Variants in ZCWPW2 observed in about 807,000 individuals in gnomAD.
ZCWPW2 encodes zinc finger CW-type and PWWP domain containing 2.
Under a neutral mutation model 46.6 loss-of-function variants are expected in ZCWPW2, and 45 were observed. The observed-to-expected ratio is 0.96, with a 90% CI of 0.76 to 1.24. The LOEUF (loss-of-function observed/expected upper bound fraction) is 1.24. ZCWPW2 is among the 50% of genes most tolerant of loss of function. ZCWPW2 has a pLI of 0.00. For synonymous variants in ZCWPW2, 152 were observed against 137.1 expected, an observed-to-expected ratio of 1.11 and a Z score of -0.76; for missense variants, 429 against 403.9, an observed-to-expected ratio of 1.06 and a Z score of -0.53.
intron 1 of ZCWPW2, among the ~76,000 whole-genome samples, 176 bp from the exon 2 acceptor site, chr3:28,390,322 A>G (rs962299713): frequency 6.6e-6 from 1 of 152,252 alleles, no homozygotes; most frequent in African/African-American, 2.4e-5. Context: ...TACTATTACC[A>G]TATGAGTATG....
chr3:28,442,179 C>T (rs1005693334), intron 4 of ZCWPW2, among the ~76,000 whole-genome samples: 7 of 152,170 alleles, frequency 4.6e-5, no homozygotes, highest in South Asian at 2.1e-4. Context: ...ATGAGGAATA[C>T]GTTGCCTCCA....
chr3:28,377,049 A>G (rs531470867), intron 1 of ZCWPW2, among the ~76,000 whole-genome samples: 1 of 151,588 alleles, frequency 6.6e-6, no homozygotes, highest in East Asian at 1.9e-4. Context: ...TATTTTTCCA[A>G]TATTGAACTC....
intron 1 of ZCWPW2, among the ~76,000 whole-genome samples, chr3:28,386,468 G>A (rs1251797074): frequency 6.6e-6 from 1 of 152,042 alleles, no homozygotes; most frequent in Non-Finnish European, 1.5e-5. Context: ...GATTCATTGT[G>A]TTTGTTTTTT....
intron 6 of ZCWPW2, among the ~76,000 whole-genome samples, chr3:28,501,275 ACT>A (rs1700135309): frequency 1.3e-5 from 2 of 151,986 alleles, no homozygotes; most frequent in South Asian, 4.2e-4. Flanking sequence ...ACTTCAAGTT[ACT>A]CTCCTTGTGT....
chr3:28,480,964 C>G (rs772141589), intron 5 of ZCWPW2, among the ~76,000 whole-genome samples: 33 of 147,844 alleles, frequency 2.2e-4, no homozygotes, highest in African/African-American at 7.7e-4. Context: ...CTCCCAGGTT[C>G]AAACAATTCT....
intron 1 of ZCWPW2, among the ~76,000 whole-genome samples, chr3:28,355,537 G>T (rs1462726986): frequency 6.6e-6 from 1 of 152,188 alleles, no homozygotes; most frequent in Non-Finnish European, 1.5e-5. Flanking sequence ...AGCCCGCATT[G>T]CCAAGTCCAT....
intron 1 of ZCWPW2, among the ~76,000 whole-genome samples, chr3:28,350,663 C>T (rs1704514996): frequency 6.7e-6 from 1 of 148,906 alleles, no homozygotes; most frequent in East Asian, 1.9e-4. Context: ...ACTTTCCACC[C>T]TGTATCTGCT....
At chr3:28,478,567 G>A (rs966669946) in intron 4 of ZCWPW2, among the ~76,000 whole-genome samples, 1 of 152,172 alleles carries the variant, frequency 6.6e-6, no homozygotes, top group African/African-American at 2.4e-5. Flanking sequence ...TCCTAAGTGT[G>A]AGATGAATAA....
intron 4 of ZCWPW2, chr3:28,478,256 T>C: frequency 3.6e-6 from 1 of 278,086 alleles, no homozygotes; most frequent in Non-Finnish European, 7.4e-6. Flanking sequence ...TATTATTTTA[T>C]TTTTTGAGAC....
intron 2 of ZCWPW2, among the ~76,000 whole-genome samples, chr3:28,399,304 A>G (rs1249947114): frequency 1.3e-5 from 2 of 152,114 alleles, no homozygotes; most frequent in African/African-American, 2.4e-5. Flanking sequence ...GTCTGAGCTC[A>G]GACATGCCTA....
chr3:28,511,034 C>G (rs753333398), intron 6 of ZCWPW2: 2 of 455,622 alleles, frequency 4.4e-6, no homozygotes, highest in Admixed American at 2.4e-5. Flanking sequence ...TGAGAGTCAA[C>G]GCTAAGAATC....
chr3:28,393,033 A>C (rs573905177), intron 2 of ZCWPW2, among the ~76,000 whole-genome samples: 1 of 152,030 alleles, frequency 6.6e-6, no homozygotes, highest in African/African-American at 2.4e-5. Context: ...TTTTGAAAGG[A>C]TAAACAAAAT....
At chr3:28,370,905 T>C (rs2125701852) in intron 1 of ZCWPW2, among the ~76,000 whole-genome samples, 1 of 152,092 alleles carries the variant, frequency 6.6e-6, no homozygotes, top group East Asian at 1.9e-4. Context: ...GCTAATTTTG[T>C]ATTTTTAGTA....
At chr3:28,457,502 G>A (rs1489383646) in intron 4 of ZCWPW2, among the ~76,000 whole-genome samples, 1 of 152,090 alleles carries the variant, frequency 6.6e-6, no homozygotes, top group East Asian at 1.9e-4. Flanking sequence ...GTTTTTAAAG[G>A]CTTAGTGCAA....
intron 4 of ZCWPW2, among the ~76,000 whole-genome samples, chr3:28,451,818 G>A (rs554970551): frequency 5.9e-5 from 9 of 152,204 alleles, no homozygotes; most frequent in South Asian, 4.1e-4. Flanking sequence ...TTTATTAGCC[G>A]ACACACTGGA....
rs1394150567 is a variant in ZCWPW2 at position 28,381,001 on chromosome 3, TATATATATATATATATATATTTG to T, written c.-133-9496_-133-9474del. ...TATATATATATATATATATATTTGG[TATATATATATATATATATATTTG>T]GTATATATATATATATATATTTGGT... On this transcript the variant is annotated intron_variant, in intron 1 of 9. Coordinates refer to ENST00000383768, the MANE Select transcript of ZCWPW2 (RefSeq NM_001040432.4). 6.5e-3 allele frequency among the ~76,000 whole-genome samples: 39 copies of T among 5,968 alleles called. 11 individuals are homozygous for T. The highest frequency in any genetic ancestry group is 0.037 in the African/African-American group (39 of 1,046). 3.9% of individuals were successfully genotyped at this position (5,968 alleles called of 152,430 possible).
chr3:28,463,478 G>T (rs1698717906), intron 4 of ZCWPW2, among the ~76,000 whole-genome samples: 1 of 152,188 alleles, frequency 6.6e-6, no homozygotes, highest in African/African-American at 2.4e-5. Flanking sequence ...CTGTTTTGCT[G>T]TTGGGAGAGA....
chr3:28,367,332 C>T (rs777761153), intron 1 of ZCWPW2, among the ~76,000 whole-genome samples: 1 of 152,194 alleles, frequency 6.6e-6, no homozygotes, highest in Admixed American at 6.5e-5. Context: ...CCCAGAGATT[C>T]TGGTATGTTG....
chr3:28,487,875 C>T (rs897891438), intron 5 of ZCWPW2, among the ~76,000 whole-genome samples: 5 of 151,930 alleles, frequency 3.3e-5, no homozygotes, highest in Non-Finnish European at 7.4e-5. Context: ...GATGGCTAGA[C>T]GGGGCTGGAG....
Sources: gnomAD v4.1 joint callset for allele counts (sites outside exome capture counted in the v4.1 genomes callset) on GRCh38, gnomAD v4.1.1 for gene constraint, MANE v1.5 for transcripts, NCBI Gene and HGNC (gene_info 2026-07-23, HGNC 2026-07-21) for gene names.